The following CDH8 variants were observed in gnomAD, a reference collection of about 807,000 sequenced individuals.
CDH8 encodes the protein cadherin-8.
CDH8 carries 17 observed loss-of-function variants against 68.1 expected under a neutral mutation model. That is an observed-to-expected ratio of 0.25 (90% CI 0.17 to 0.37). The LOEUF is 0.37. Ranked by LOEUF, CDH8 falls within the 10% of genes least tolerant of loss-of-function variation. The pLI, the probability that CDH8 is intolerant of heterozygous loss-of-function variation, is 1.00. For synonymous variants in CDH8, 372 were observed against 365.1 expected, an observed-to-expected ratio of 1.02 and a Z score of -0.21; for missense variants, 763 against 999.3, an observed-to-expected ratio of 0.76 and a Z score of 3.19.
chr16:61,890,628 T>C (rs1963758861), intron 3 of CDH8, among the ~76,000 whole-genome samples: 1 of 152,168 alleles, frequency 6.6e-6, no homozygotes, highest in African/African-American at 2.4e-5. Flanking sequence ...TCCAGTAGGT[T>C]CAAATTTCAG....
chr16:61,871,793 C>T (rs1272168238), intron 3 of CDH8, among the ~76,000 whole-genome samples: 1 of 106,180 alleles, frequency 9.4e-6, no homozygotes, highest in African/African-American at 3.7e-5. Context: ...TACTTAATTG[C>T]TATGCTCTAT....
rs536292105 is a variant in CDH8, at chr16:61,688,900, G to T, written c.1654+24941C>A. ...TATGCCTAAACATTTTTCAACCAAA[G>T]CACTGTGAGAAGGTTTGGGAGGTTT... On this transcript the variant is annotated intron_variant, in intron 10 of 11. Transcript: ENST00000577390. 2.6e-5 allele frequency among the ~76,000 whole-genome samples: 4 copies of T among 152,094 alleles called. No homozygotes were observed. The East Asian group carries it at 7.8e-4, about 30-fold the overall frequency.
Position 61,653,107 on chromosome 16 carries a change from A to C in CDH8, c.*501T>G. Reference sequence around the variant, plus strand: ...AATCTAGGAGGCCTCTCAAAACTCCAAAAAGTTATAATGTACAGCAGACCA... The same window carrying C: ...AATCTAGGAGGCCTCTCAAAACTCCCAAAAGTTATAATGTACAGCAGACCA... On this transcript the variant is annotated 3_prime_UTR_variant, in exon 12 of 12. Coordinates refer to ENST00000577390, the MANE Select transcript of CDH8 (RefSeq NM_001796.5). 1 of 1,257,260 alleles carries C rather than the reference A, an allele frequency of 8.0e-7. No individual in the cohort carries two copies. The highest frequency in any genetic ancestry group is 1.0e-6 in the Non-Finnish European group (1 of 1,002,038). 77.9% of individuals were successfully genotyped at this position (1,257,260 alleles called of 1,614,324 possible).
intron 2 of CDH8, among the ~76,000 whole-genome samples, chr16:61,970,359 G>C (rs969742160): frequency 1.3e-5 from 2 of 152,138 alleles, no homozygotes; most frequent in Non-Finnish European, 2.9e-5. Flanking sequence ...GAAAAATTTA[G>C]AGAAAGTTTC....
intron 9 of CDH8, among the ~76,000 whole-genome samples, chr16:61,723,267 T>G (rs998617234): frequency 6.6e-6 from 1 of 150,664 alleles, no homozygotes; most frequent in Admixed American, 6.6e-5. Flanking sequence ...GTTCTATATT[T>G]TTCCTTCGTG....
chr16:61,964,732 A>T (rs1189717404), intron 2 of CDH8, among the ~76,000 whole-genome samples: 1 of 152,112 alleles, frequency 6.6e-6, no homozygotes, highest in Non-Finnish European at 1.5e-5. Flanking sequence ...TACAGAGCAC[A>T]ATCGATTCTC....
chr16:61,961,377 G>A lies in CDH8; in HGVS notation c.252+59775C>T, dbSNP rs1222777313. 3.3e-5 allele frequency among the ~76,000 whole-genome samples: 5 copies of A among 151,920 alleles called. No homozygotes were observed. In the East Asian group the frequency reaches 7.7e-4, roughly 24 times the overall value. ...CCCACTGAACATCTCCAGCAGCAGC[G>A]AATCCCTGTCAAACACTTCTCCGGC... is the stretch of plus-strand genomic sequence containing the variant. On this transcript the variant is annotated intron_variant, in intron 2 of 11. Transcript: ENST00000577390.
At chr16:61,827,414 A>G (rs1226282571) in intron 4 of CDH8, among the ~76,000 whole-genome samples, 1 of 151,826 alleles carries the variant, frequency 6.6e-6, no homozygotes, top group African/African-American at 2.4e-5. Context: ...TATGCATGAG[A>G]CTTCTCAGGT....
chr16:61,658,020 C>T (rs1430809988), intron 10 of CDH8, among the ~76,000 whole-genome samples: 1 of 152,028 alleles, frequency 6.6e-6, no homozygotes, highest in Non-Finnish European at 1.5e-5. Context: ...ATGAGTTATT[C>T]TTGCTAAATT....
At chr16:61,803,651 A>G (rs934396309) in intron 7 of CDH8, among the ~76,000 whole-genome samples, 16 of 151,682 alleles carry the variant, frequency 1.1e-4, no homozygotes, top group African/African-American at 2.9e-4. Context: ...AACAAAAAAA[A>G]GGCAGGGGTT....
chr16:61,773,164 T>G (rs1216307332), intron 8 of CDH8, among the ~76,000 whole-genome samples: 1 of 152,054 alleles, frequency 6.6e-6, no homozygotes, highest in Non-Finnish European at 1.5e-5. Context: ...TAAAGCCATT[T>G]TCTAATTTTT....
chr16:61,830,153 T>A (rs1352045703), intron 4 of CDH8, among the ~76,000 whole-genome samples: 1 of 151,830 alleles, frequency 6.6e-6, no homozygotes, highest in African/African-American at 2.4e-5. Context: ...GTTTCTTTTA[T>A]GAAAAGAAAT....
In CDH8 at chr16:61,778,255, T is replaced by G. The variant is rs572295961; in HGVS notation, c.1414+11091A>C. 2.6e-5 allele frequency among the ~76,000 whole-genome samples: 4 copies of G among 152,270 alleles called. No homozygotes were observed. In the East Asian group the frequency reaches 7.7e-4, roughly 29 times the overall value. On this transcript the variant is annotated intron_variant, in intron 8 of 11. Coordinates refer to ENST00000577390, the MANE Select transcript of CDH8 (RefSeq NM_001796.5). ...CAATCTTTATGGTGCTCTCGCTCTA[T>G]GTCATAGGCAATAGAGACAGATGGA...
intron 3 of CDH8, 47 bp downstream of exon 3, chr16:61,901,132 T>A: frequency 6.6e-7 from 1 of 1,508,904 alleles, no homozygotes; most frequent in South Asian, 1.2e-5. Context: ...CAGGAGCTAT[T>A]CTAAAGATGA....
chr16:62,028,152 C>T (rs1800818761), intron 1 of CDH8, among the ~76,000 whole-genome samples: 1 of 149,314 alleles, frequency 6.7e-6, no homozygotes. Context: ...GCAACCTCTG[C>T]CTCCTGGGTT....
At chr16:61,676,145 C>CAA (rs60364173) in intron 10 of CDH8, among the ~76,000 whole-genome samples, 3,140 of 131,100 alleles carry the variant, frequency 0.024, 61 homozygotes, top group Non-Finnish European at 0.036. Flanking sequence ...CACACACACT[C>CAA]AAAAAAAAAA....
At chr16:61,966,944 C>A (rs1404286253) in intron 2 of CDH8, among the ~76,000 whole-genome samples, 1 of 152,102 alleles carries the variant, frequency 6.6e-6, no homozygotes, top group African/African-American at 2.4e-5. Context: ...GTGGCTCACA[C>A]CTGTAATCCC....
rs182943825 is a variant in CDH8, at chr16:61,943,642, T to A, written c.253-42169A>T. On this transcript the variant is annotated intron_variant, in intron 2 of 11. Transcript: ENST00000577390. ...ACACACAAGGCATTTTATATGTTTT[T>A]TGAATAAATATGTATTCTATTTTCC... Among the ~76,000 whole-genome samples the A allele has an allele frequency of 6.5e-3, 985 of 152,356 alleles. 7 individuals carry two copies. Among genetic ancestry groups the A allele is most frequent in the Non-Finnish European group, 8.8e-3 (599 of 68,030 alleles).
chr16:61,674,468 AAAAC>A (rs1963858751), intron 10 of CDH8, among the ~76,000 whole-genome samples: 1 of 151,446 alleles, frequency 6.6e-6, no homozygotes, highest in African/African-American at 2.4e-5. Context: ...AAAAAAAAAA[AAAAC>A]CCTCACACTG....
Sources: gnomAD v4.1 joint callset for allele counts (sites outside exome capture counted in the v4.1 genomes callset) on GRCh38, gnomAD v4.1.1 for gene constraint, MANE v1.5 for transcripts, NCBI Gene and HGNC (gene_info 2026-07-23, HGNC 2026-07-21) for gene names.